Variants in DAB1 observed in about 807,000 individuals in gnomAD.
DAB1 encodes the protein DAB adaptor protein 1.
A neutral mutation model predicts 64.6 loss-of-function variants in DAB1; 15 were observed. The observed-to-expected ratio is 0.23, with a 90% CI of 0.16 to 0.36. The LOEUF (loss-of-function observed/expected upper bound fraction) is 0.36. Ranked by LOEUF, DAB1 falls within the 10% of genes least tolerant of loss-of-function variation. DAB1 has a pLI of 1.00. For synonymous variants in DAB1, 235 were observed against 251.9 expected (o/e 0.93, Z 0.64); for missense variants, 596 against 706.7 (o/e 0.84, Z 1.78).
At chr1:57,023,312 G>A (rs1234435224) in intron 11 of DAB1, among the ~76,000 whole-genome samples, 1 of 152,220 alleles carries the variant, frequency 6.6e-6, no homozygotes, top group Non-Finnish European at 1.5e-5. Flanking sequence ...ATCTTGAGCT[G>A]TCTGGGTGAA....
At chr1:58,086,738 C>T (rs1650337803) in intron 5 of DAB1, among the ~76,000 whole-genome samples, 1 of 151,802 alleles carries the variant, frequency 6.6e-6, no homozygotes, top group Non-Finnish European at 1.5e-5. Flanking sequence ...AATTCTCATG[C>T]CTCTGTACTT....
intron 5 of DAB1, among the ~76,000 whole-genome samples, chr1:57,929,013 C>T (rs577449837): frequency 5.1e-4 from 77 of 152,266 alleles, no homozygotes; most frequent in African/African-American, 1.8e-3. Context: ...AAAAAACTGC[C>T]AAGCGGGCTT....
chr1:57,072,268 G>T lies in DAB1; in HGVS notation c.438+15C>A, dbSNP rs776840143. ...GTTCCAAGGAAAGACTCCCTTCTTG[G>T]ATAGGGATACTCACCGCCTGGGCTG... On this transcript the variant is annotated intron_variant, in intron 5 of 14. Coordinates refer to ENST00000371236, the MANE Select transcript of DAB1 (RefSeq NM_001365792.1). 1 of 1,612,616 alleles carries T rather than the reference G, an allele frequency of 6.2e-7. No individual in the cohort carries two copies. Among genetic ancestry groups the T allele is most frequent in the Non-Finnish European group, 8.5e-7 (1 of 1,179,066 alleles).
chr1:57,398,024 C>T (rs1014011444), intron 1 of DAB1, among the ~76,000 whole-genome samples: 21 of 152,184 alleles, frequency 1.4e-4, no homozygotes, highest in African/African-American at 4.8e-4. Flanking sequence ...TGTTCACTTT[C>T]TCCCAATTCC....
intron 5 of DAB1, among the ~76,000 whole-genome samples, chr1:57,965,189 G>A (rs765194302): frequency 1.3e-5 from 2 of 151,046 alleles, no homozygotes; most frequent in Non-Finnish European, 3.0e-5. Context: ...AAGTCAGATC[G>A]TAGAGAGTGT....
chr1:58,043,538 C>G (rs1647172890), intron 5 of DAB1, among the ~76,000 whole-genome samples: 1 of 152,130 alleles, frequency 6.6e-6, no homozygotes, highest in Admixed American at 6.5e-5. Flanking sequence ...CACCCATGAC[C>G]CATGATGTCC....
chr1:57,270,880 C>T (rs746906637), intron 2 of DAB1, among the ~76,000 whole-genome samples: 6 of 152,174 alleles, frequency 3.9e-5, no homozygotes, highest in Non-Finnish European at 5.9e-5. Context: ...CTGTTGGAAA[C>T]ATCATACCTG....
chr1:57,078,455 T>C (rs1376375197), intron 4 of DAB1, among the ~76,000 whole-genome samples: 1 of 152,194 alleles, frequency 6.6e-6, no homozygotes, highest in Non-Finnish European at 1.5e-5. Context: ...TTGGAAATAT[T>C]AAATTGATTC....
chr1:57,587,784 T>C (rs1645398007), intron 7 of DAB1, among the ~76,000 whole-genome samples: 1 of 152,200 alleles, frequency 6.6e-6, no homozygotes, highest in Non-Finnish European at 1.5e-5. Flanking sequence ...CACTAGGTAA[T>C]AAATGTCAAA....
Position 57,192,363 on chromosome 1 carries a change from T to A in DAB1, c.68-46934A>T, listed in dbSNP as rs155294. On this transcript the variant is annotated intron_variant, in intron 2 of 14. Coordinates refer to ENST00000371236, the MANE Select transcript of DAB1 (RefSeq NM_001365792.1). ...AAAAAAGAGTGATGGGGCTAAAATA[T>A]GAGCACTGCATCTATACAAATCCCA... 1.3e-5 allele frequency among the ~76,000 whole-genome samples: 2 copies of A among 150,728 alleles called. 1 individual carries two copies. Among genetic ancestry groups the A allele is most frequent in the South Asian group, 4.2e-4 (2 of 4,766 alleles).
chr1:57,001,996 A>G (rs974359335), intron 14 of DAB1, among the ~76,000 whole-genome samples: 6 of 152,198 alleles, frequency 3.9e-5, no homozygotes, highest in African/African-American at 1.4e-4. Flanking sequence ...AGCTTGGAAC[A>G]TGGGAGGTGC....
At chr1:58,313,856 T>TGTGTGTGTGTGTGTGA (rs369709762) in intron 4 of DAB1, among the ~76,000 whole-genome samples, 2 of 112,064 alleles carry the variant, frequency 1.8e-5, no homozygotes, top group Admixed American at 9.1e-5. Context: ...TGTGTGTGTG[T>TGTGTGTGTGTGTGTGA]GAGAGAGAGA....
chr1:57,430,001 T>G (rs566956224), intron 7 of DAB1, among the ~76,000 whole-genome samples: 1 of 152,062 alleles, frequency 6.6e-6, no homozygotes, highest in Non-Finnish European at 1.5e-5. Context: ...CATTCTAGGA[T>G]TTTTTTTCTA....
intron 1 of DAB1, among the ~76,000 whole-genome samples, chr1:58,528,873 T>C (rs1164396728): frequency 6.6e-6 from 1 of 152,174 alleles, no homozygotes; most frequent in African/African-American, 2.4e-5. Context: ...ATAATTCAAA[T>C]AGAATCATTC....
intron 7 of DAB1, among the ~76,000 whole-genome samples, chr1:57,609,503 C>A (rs530877761): frequency 6.6e-6 from 1 of 152,184 alleles, no homozygotes; most frequent in East Asian, 1.9e-4. Flanking sequence ...AATTCCCCCA[C>A]GAATACCCAG....
intron 2 of DAB1, among the ~76,000 whole-genome samples, chr1:57,227,806 C>T (rs953363378): frequency 6.6e-6 from 1 of 152,150 alleles, no homozygotes; most frequent in African/African-American, 2.4e-5. Flanking sequence ...ATCCTCCTGC[C>T]TCGTCCTCCC....
intron 4 of DAB1, among the ~76,000 whole-genome samples, chr1:57,091,935 AG>A (rs1653718599): frequency 6.6e-6 from 1 of 152,202 alleles, no homozygotes; most frequent in Non-Finnish European, 1.5e-5. Context: ...AACTCCATCC[AG>A]TTAAGAAGTG....
intron 5 of DAB1, among the ~76,000 whole-genome samples, chr1:58,066,640 G>A (rs1186028950): frequency 2.0e-5 from 3 of 152,112 alleles, no homozygotes; most frequent in Non-Finnish European, 4.4e-5. Flanking sequence ...TGAGTAAGAA[G>A]TAGAGCCAGG....
At chr1:57,235,526 G>C (rs1668026831) in intron 2 of DAB1, among the ~76,000 whole-genome samples, 1 of 152,112 alleles carries the variant, frequency 6.6e-6, no homozygotes, top group African/African-American at 2.4e-5. Flanking sequence ...TAGCAGCTCT[G>C]TCAAGCATCA....
Sources: gnomAD v4.1 joint callset for allele counts (sites outside exome capture counted in the v4.1 genomes callset) on GRCh38, gnomAD v4.1.1 for gene constraint, MANE v1.5 for transcripts, NCBI Gene and HGNC (gene_info 2026-07-23, HGNC 2026-07-21) for gene names.